The following TPD52L1 variants were observed in gnomAD, a reference collection of about 807,000 sequenced individuals.
The protein encoded by TPD52L1 is tumor protein D53.
TPD52L1 carries 18 observed loss-of-function variants against 28.7 expected under a neutral mutation model. The ratio of observed to expected loss-of-function variants is 0.63; its 90% CI spans 0.43 to 0.93. The LOEUF is 0.93. TPD52L1 is among the 40% of genes least tolerant of loss of function. The pLI is 0.00. For synonymous variants in TPD52L1, 75 were observed against 88.8 expected (o/e 0.84, Z 0.88); for missense variants, 203 against 254.8 (o/e 0.80, Z 1.39).
At chr6:125,234,683 T>A (rs76476495) in intron 3 of TPD52L1, among the ~76,000 whole-genome samples, 5,875 of 152,270 alleles carry the variant, frequency 0.039, 137 homozygotes, top group East Asian at 0.074. Context: ...GGTATTAGTA[T>A]TTAAGTTGTT....
intron 1 of TPD52L1, among the ~76,000 whole-genome samples, chr6:125,198,456 G>C (rs1365121203): frequency 2.0e-5 from 3 of 152,138 alleles, no homozygotes; most frequent in Non-Finnish European, 4.4e-5. Flanking sequence ...CATGGGGTAA[G>C]AGAGATCTAT....
chr6:125,229,908 A>T (rs2114988625), intron 3 of TPD52L1, among the ~76,000 whole-genome samples: 1 of 152,138 alleles, frequency 6.6e-6, no homozygotes, highest in Non-Finnish European at 1.5e-5. Context: ...AACATGGTGA[A>T]ACCTCGTCCC....
In TPD52L1 at chr6:125,190,697, G is replaced by C. The variant is rs80276617; in HGVS notation, c.20-29381G>C. Among the ~76,000 whole-genome samples the C allele has an allele frequency of 6.7e-3, 1,021 of 152,146 alleles. 13 individuals carry two copies. The highest frequency in any genetic ancestry group is 0.023 in the African/African-American group (953 of 41,502). On this transcript the variant is annotated intron_variant, in intron 1 of 6. Coordinates refer to ENST00000534000, the MANE Select transcript of TPD52L1 (RefSeq NM_003287.4). Reference sequence around the variant, plus strand: ...TGATGGAAGACAGTGACACCATCAGGCATTAGATTTTCATAGGGAGTGAAC... The same window carrying C: ...TGATGGAAGACAGTGACACCATCAGCCATTAGATTTTCATAGGGAGTGAAC...
At chr6:125,201,056 T>A (rs556154391) in intron 1 of TPD52L1, among the ~76,000 whole-genome samples, 1 of 152,196 alleles carries the variant, frequency 6.6e-6, no homozygotes, top group Non-Finnish European at 1.5e-5. Flanking sequence ...AAAAGTTACA[T>A]TTAACATTCA....
intron 1 of TPD52L1, among the ~76,000 whole-genome samples, chr6:125,177,075 C>A (rs1367152762): frequency 6.6e-6 from 1 of 152,080 alleles, no homozygotes; most frequent in Non-Finnish European, 1.5e-5. Flanking sequence ...AAAAAAGAAT[C>A]TCTGTCATCT....
chr6:125,166,426 C>A (rs961244723), intron 1 of TPD52L1, among the ~76,000 whole-genome samples: 2 of 152,112 alleles, frequency 1.3e-5, no homozygotes, highest in Non-Finnish European at 2.9e-5. Context: ...TCCTGTTATT[C>A]CTCTTTAGAT....
At chr6:125,166,011 T>C (rs982838328) in intron 1 of TPD52L1, among the ~76,000 whole-genome samples, 1 of 152,210 alleles carries the variant, frequency 6.6e-6, no homozygotes, top group African/African-American at 2.4e-5. Flanking sequence ...AGATGTTGGC[T>C]GAAAGGACTA....
intron 1 of TPD52L1, among the ~76,000 whole-genome samples, chr6:125,183,672 C>T (rs912147774): frequency 1.3e-5 from 2 of 151,980 alleles, no homozygotes; most frequent in Non-Finnish European, 2.9e-5. Context: ...AAAAGCATCA[C>T]GATTACATGA....
At chr6:125,191,515 A>G (rs1165985829) in intron 1 of TPD52L1, among the ~76,000 whole-genome samples, 12 of 152,218 alleles carry the variant, frequency 7.9e-5, no homozygotes, top group Admixed American at 6.5e-4. Context: ...TAACTGAAAC[A>G]GTGCAGAGGA....
At chr6:125,198,589 T>C (rs1308710372) in intron 1 of TPD52L1, among the ~76,000 whole-genome samples, 1 of 151,824 alleles carries the variant, frequency 6.6e-6, no homozygotes, top group Non-Finnish European at 1.5e-5. Flanking sequence ...CCACTTTCTG[T>C]CTATGAACGT....
chr6:125,248,236 T>C (rs1315982580), intron 3 of TPD52L1, 46 bp from the exon 4 acceptor site: 1 of 1,443,874 alleles, frequency 6.9e-7, no homozygotes. Context: ...GAATTGTTTA[T>C]GGGAGATCAT....
At chr6:125,257,041 A>G (rs907707048) in intron 5 of TPD52L1, 57 bp from the exon 6 acceptor site, 1 of 1,493,274 alleles carries the variant, frequency 6.7e-7, no homozygotes, top group Non-Finnish European at 9.2e-7. Context: ...ACCAAACAGC[A>G]TGGTTGCTAA....
chr6:125,164,892 T>C (rs949054134), intron 1 of TPD52L1, among the ~76,000 whole-genome samples: 2 of 151,838 alleles, frequency 1.3e-5, no homozygotes, highest in Admixed American at 6.6e-5. Flanking sequence ...CAGGCAGAGG[T>C]TCACCATTAC....
chr6:125,232,426 A>T (rs879438895), intron 3 of TPD52L1, among the ~76,000 whole-genome samples: 2 of 152,172 alleles, frequency 1.3e-5, no homozygotes, highest in Non-Finnish European at 2.9e-5. Flanking sequence ...CCCTGCTCTT[A>T]GTGCTGTTTA....
intron 1 of TPD52L1, among the ~76,000 whole-genome samples, chr6:125,193,531 T>C (rs1319412276): frequency 6.6e-6 from 1 of 152,202 alleles, no homozygotes; most frequent in Non-Finnish European, 1.5e-5. Context: ...TGGTGCTCTC[T>C]CTGTGATGGC....
intron 3 of TPD52L1, among the ~76,000 whole-genome samples, chr6:125,230,655 A>G (rs757205051): frequency 6.6e-6 from 1 of 152,178 alleles, no homozygotes; most frequent in Non-Finnish European, 1.5e-5. Context: ...TGTCCTTTGT[A>G]TGAGGAATTG....
intron 1 of TPD52L1, among the ~76,000 whole-genome samples, chr6:125,176,334 G>T (rs3799775): frequency 0.12 from 18,560 of 152,158 alleles, 1,284 homozygotes; most frequent in East Asian, 0.36. Flanking sequence ...ACTTGTAAAA[G>T]GCTGATTTCC....
chr6:125,161,976 G>A (rs1790549743), intron 1 of TPD52L1, among the ~76,000 whole-genome samples: 1 of 152,082 alleles, frequency 6.6e-6, no homozygotes, highest in African/African-American at 2.4e-5. Flanking sequence ...AGTGAGGTAT[G>A]TCTCTAACTA....
At chr6:125,159,195 G>A (rs115691700) in intron 1 of TPD52L1, among the ~76,000 whole-genome samples, 203 of 152,296 alleles carry the variant, frequency 1.3e-3, no homozygotes, top group African/African-American at 4.4e-3. Flanking sequence ...TTTTGTCTGC[G>A]ATAGAACTTC....
Sources: allele counts gnomAD v4.1 joint callset (sites outside exome capture counted in the v4.1 genomes callset), GRCh38; gene constraint gnomAD v4.1.1; transcripts MANE v1.5; gene names NCBI Gene and HGNC (gene_info 2026-07-23, HGNC 2026-07-21).